The following RAPGEF2 variants were observed in gnomAD, a reference collection of about 807,000 sequenced individuals.
RAPGEF2 encodes Rap guanine nucleotide exchange factor 2, also known as PDZ domain containing guanine nucleotide exchange factor (GEF) 1.
Under a neutral mutation model 186.7 loss-of-function variants are expected in RAPGEF2, and 54 were observed. That is an observed-to-expected ratio of 0.29 (90% CI 0.23 to 0.36). RAPGEF2 has a LOEUF of 0.36. RAPGEF2 is among the 10% of genes least tolerant of loss of function. The probability of loss-of-function intolerance (pLI) is 1.00; values close to 1 mark genes in which losing one functional copy is unlikely to be tolerated. For missense variants in RAPGEF2, 1,532 were observed against 2,045.0 expected (o/e 0.75, Z 4.84); for synonymous variants, 712 against 705.9 (o/e 1.01, Z -0.14).
At chr4:159,136,882 T>C (rs1203187696) in intron 1 of RAPGEF2, among the ~76,000 whole-genome samples, 1 of 152,226 alleles carries the variant, frequency 6.6e-6, no homozygotes, top group Non-Finnish European at 1.5e-5. Context: ...AGCCTGCACC[T>C]GAACTGGCTA....
rs1561230711 is a variant in RAPGEF2 at position 159,295,762 on chromosome 4, C to CGT, written c.544-8579_544-8578insTG. 8.6e-5 allele frequency among the ~76,000 whole-genome samples: 11 copies of CGT among 128,094 alleles called. No homozygotes were observed. The East Asian group carries it at 1.6e-3, about 19-fold the overall frequency. 84.0% of individuals were successfully genotyped at this position (128,094 alleles called of 152,430 possible). On this transcript the variant is annotated intron_variant, in intron 7 of 29. Transcript: ENST00000691494. ...GTGTGTGTGTGTGTGTGTGCGCGCG[C>CGT]GCGCGCGCGCGCATGCACATAATGT...
intron 1 of RAPGEF2, among the ~76,000 whole-genome samples, chr4:159,183,327 A>T (rs1176026846): frequency 2.0e-5 from 3 of 152,260 alleles, no homozygotes; most frequent in Admixed American, 6.5e-5. Flanking sequence ...GGTAAAGAAT[A>T]GTCTTTCCAA....
chr4:159,140,700 C>T (rs558132718), intron 1 of RAPGEF2, among the ~76,000 whole-genome samples: 12 of 151,974 alleles, frequency 7.9e-5, no homozygotes, highest in African/African-American at 1.9e-4. Flanking sequence ...ACAAGACCAG[C>T]CTGTTATTTA....
chr4:159,161,149 G>T (rs1744667799), intron 1 of RAPGEF2, among the ~76,000 whole-genome samples: 1 of 152,102 alleles, frequency 6.6e-6, no homozygotes, highest in Non-Finnish European at 1.5e-5. Flanking sequence ...ACGGATTTCT[G>T]TGTGTCATCC....
chr4:159,233,357 C>T (rs553618343), intron 4 of RAPGEF2, among the ~76,000 whole-genome samples: 1 of 152,248 alleles, frequency 6.6e-6, no homozygotes, highest in South Asian at 2.1e-4. Flanking sequence ...GGTCCAATTT[C>T]ATTCTTTTTC....
intron 8 of RAPGEF2, among the ~76,000 whole-genome samples, chr4:159,311,343 G>A (rs1275566359): frequency 1.3e-5 from 2 of 152,168 alleles, no homozygotes; most frequent in Non-Finnish European, 2.9e-5. Context: ...TATAAGGAGA[G>A]TGTGGTGTTT....
chr4:159,149,431 G>T (rs1743297051), intron 1 of RAPGEF2, among the ~76,000 whole-genome samples: 1 of 152,010 alleles, frequency 6.6e-6, no homozygotes, highest in Non-Finnish European at 1.5e-5. Flanking sequence ...GCTAATTTTT[G>T]TATTTTTAGT....
chr4:159,189,549 A>G (rs77361383), intron 2 of RAPGEF2, among the ~76,000 whole-genome samples: 141 of 152,342 alleles, frequency 9.3e-4, no homozygotes, highest in African/African-American at 3.3e-3. Flanking sequence ...AGTTTTGGAA[A>G]CAAGAGCCTG....
chr4:159,313,807 A>G (rs1764232230), intron 8 of RAPGEF2, among the ~76,000 whole-genome samples: 2 of 152,240 alleles, frequency 1.3e-5, no homozygotes, highest in Admixed American at 1.3e-4. Context: ...TAAGATCTGT[A>G]TGATATATAC....
At position 159,346,790 on chromosome 4, in the gene RAPGEF2, G is replaced by A; in HGVS notation, c.3504G>A (p.Leu1168=). 6.2e-7 allele frequency: 1 copy of A among 1,613,616 alleles called. No homozygotes were observed. Among genetic ancestry groups the A allele is most frequent in the Non-Finnish European group, 8.5e-7 (1 of 1,179,664 alleles). Residue 1168 remains leucine, a splice_region_variant and synonymous_variant, in exon 25 of 30, where the codon TTG becomes TTA. Transcript: ENST00000691494. ...TTTTCAAACCCAAACAATTATCAGT[G>A]CCTAAGAATCCTGGTGACAAAAAGC... ...SLQCEPATNT[L]PKNPGDKKPV...
chr4:159,300,757 G>A (rs1762556536), intron 7 of RAPGEF2, among the ~76,000 whole-genome samples: 5 of 152,168 alleles, frequency 3.3e-5, no homozygotes, highest in Non-Finnish European at 7.4e-5. Flanking sequence ...ATTGGGACTG[G>A]GTCAAGCTTA....
In RAPGEF2 at chr4:159,240,998, A is replaced by G. The variant is rs982896409; in HGVS notation, c.358-203A>G. The G allele has an allele frequency of 3.8e-4, 177 of 460,838 alleles. No homozygotes were observed. In the East Asian group the frequency reaches 5.5e-3, roughly 14 times the overall value. 28.5% of individuals were successfully genotyped at this position (460,838 alleles called of 1,614,324 possible). A position where few individuals can be genotyped will look rare whatever the true frequency, so the allele number is the denominator to read the frequency against. On this transcript the variant is annotated intron_variant, in intron 5 of 29. Coordinates refer to ENST00000691494, the MANE Select transcript of RAPGEF2 (RefSeq NM_001394067.2). ...CATATTGTCCTAAGTGGAACTGAAA[A>G]TGCCTCCTCATAAAAGAAATGTTAC... is the stretch of plus-strand genomic sequence containing the variant.
chr4:159,301,720 A>G (rs765010900), intron 7 of RAPGEF2, among the ~76,000 whole-genome samples: 2 of 152,242 alleles, frequency 1.3e-5, no homozygotes, highest in African/African-American at 2.4e-5. Context: ...TTAGCTAGAC[A>G]TGGTGGCATG....
chr4:159,140,542 A>T (rs2111161354), intron 1 of RAPGEF2, among the ~76,000 whole-genome samples: 1 of 152,332 alleles, frequency 6.6e-6, no homozygotes, highest in South Asian at 2.1e-4. Context: ...CAAGTATCAG[A>T]GAATTCAGGA....
At chr4:159,233,011 GT>G (rs1752811053) in intron 4 of RAPGEF2, among the ~76,000 whole-genome samples, 1 of 152,078 alleles carries the variant, frequency 6.6e-6, no homozygotes, top group South Asian at 2.1e-4. Context: ...TTTACATTGG[GT>G]TATCTTTTTG....
chr4:159,262,409 C>G (rs1442787601), intron 7 of RAPGEF2, among the ~76,000 whole-genome samples: 1 of 152,040 alleles, frequency 6.6e-6, no homozygotes, highest in Non-Finnish European at 1.5e-5. Context: ...AGTGGGGGGG[C>G]CTTGTTCTAC....
At chr4:159,224,957 G>A (rs952584166) in intron 4 of RAPGEF2, among the ~76,000 whole-genome samples, 2 of 152,186 alleles carry the variant, frequency 1.3e-5, no homozygotes, top group African/African-American at 2.4e-5. Context: ...TGTCTACAGA[G>A]CAGTTACTTT....
chr4:159,261,355 TC>T (rs1756855734), intron 7 of RAPGEF2, among the ~76,000 whole-genome samples: 2 of 152,196 alleles, frequency 1.3e-5, no homozygotes, highest in South Asian at 4.1e-4. Flanking sequence ...AGCCACCGCA[TC>T]CAGCTGAAAA....
At position 159,356,121 on chromosome 4, in the gene RAPGEF2, C is replaced by A; in HGVS notation, c.4920C>A (p.Ala1640=). The stretch of plus-strand genomic sequence containing the variant: ...CGAACGAGTCTGACCCGCGCCTCGC[C>A]CCCTATCAGTCCCAAGGGTTTTCCA... ...HKPNESDPRL[A]PYQSQGFSTE... Residue 1640 remains alanine (A), a synonymous_variant, in exon 29 of 30, where the codon GCC becomes GCA. Transcript: ENST00000691494. The A allele has an allele frequency of 6.2e-7, 1 of 1,614,176 alleles. No individual in the cohort carries two copies. The highest frequency in any genetic ancestry group is 1.1e-5 in the South Asian group (1 of 91,072).
Sources: allele counts gnomAD v4.1 joint callset (sites outside exome capture counted in the v4.1 genomes callset), GRCh38; gene constraint gnomAD v4.1.1; transcripts MANE v1.5; gene names NCBI Gene and HGNC (gene_info 2026-07-23, HGNC 2026-07-21).